Variants in TRAP1 observed in about 807,000 individuals in gnomAD.
The protein encoded by TRAP1 is heat shock protein 75 kDa, mitochondrial.
A neutral mutation model predicts 89.1 loss-of-function variants in TRAP1; 102 were observed. The ratio of observed to expected loss-of-function variants is 1.15; its 90% CI spans 0.98 to 1.35. TRAP1 has a LOEUF of 1.35. Ranked by LOEUF, TRAP1 falls within the 40% of genes most tolerant of loss-of-function variation. The pLI is 0.00. For missense variants in TRAP1, 1,256 were observed against 945.3 expected (o/e 1.33, Z -4.31); for synonymous variants, 508 against 388.0 (o/e 1.31, Z -3.64).
intron 1 of TRAP1, among the ~76,000 whole-genome samples, chr16:3,704,664 G>A (rs2051415241): frequency 6.6e-6 from 1 of 152,086 alleles, no homozygotes. Flanking sequence ...GCCAGCCTAG[G>A]TAACATAGGG....
chr16:3,665,842 T>G, intron 12 of TRAP1, 129 bp downstream of exon 12: 2 of 1,202,196 alleles, frequency 1.7e-6, no homozygotes. Context: ...CTGACCCTGG[T>G]GGCAGCAGCA....
intron 2 of TRAP1, 142 bp from the exon 3 acceptor site, chr16:3,689,279 C>CT: frequency 1.6e-6 from 1 of 630,276 alleles, no homozygotes; most frequent in East Asian, 3.4e-5. Context: ...GAGTCTCGCT[C>CT]TGTCACCCAG....
rs1040374288 is a variant in TRAP1 at position 3,672,630 on chromosome 16, C to T, written c.1165+70G>A. On this transcript the variant is annotated intron_variant, in intron 10 of 17. Transcript: ENST00000246957. ...AGGGCTGCTGAGAATGGAATCAGCA[C>T]GGTCCCTCACAGATGCAGCGGGCGA... is the stretch of plus-strand genomic sequence containing the variant. 1.7e-5 allele frequency: 26 copies of T among 1,519,546 alleles called. No homozygotes were observed. The African/African-American group carries it at 2.3e-4, about 14-fold the overall frequency. The allele number at this position is 1,519,546 out of a possible 1,614,324, so 94.1% of individuals were successfully genotyped here. A position where few individuals can be genotyped will look rare whatever the true frequency, so the allele number is the denominator to read the frequency against.
Position 3,662,901 on chromosome 16 carries a change from G to A in TRAP1, c.1775C>T (p.Ser592Leu), listed in dbSNP as rs565099748. ...CCTCACCTTCACGTTGGTGACACGC[G>A]ACCCCAGCACATTTCTCATCCAGGC... ...LMAWMRNVLG[S>L]RVTNVKVTLR... The change falls in exon 15 of 18, where the codon TCG becomes TTG. Residue 592 changes from serine (S) to leucine (L), a missense_variant. Coordinates refer to ENST00000246957, the MANE Select transcript of TRAP1 (RefSeq NM_016292.3). The A allele has an allele frequency of 5.4e-5, 87 of 1,613,436 alleles. 1 individual carries two copies. In the South Asian group the frequency reaches 6.1e-4, roughly 11 times the overall value.
rs1567216339 is a variant in TRAP1, at chr16:3,658,863, T to G, written c.1943A>C (p.His648Pro). Reference sequence around the variant, plus strand: ...CTGATTCAGCTTCTTGATGAGCGCGTGCCTGCAACACAGAACCCACCAGAA... The same window carrying G: ...CTGATTCAGCTTCTTGATGAGCGCGGGCCTGCAACACAGAACCCACCAGAA... Reference protein sequence around the residue: ...LQPTLEINPRHALIKKLNQLR... With the variant: ...LQPTLEINPRPALIKKLNQLR... The change falls in exon 17 of 18, where the codon CAC (histidine) becomes CCC (proline). Residue 648 changes from histidine (H) to proline (P), a missense_variant and splice_region_variant. Coordinates refer to ENST00000246957, the MANE Select transcript of TRAP1 (RefSeq NM_016292.3). The G allele has an allele frequency of 1.9e-6, 3 of 1,614,052 alleles. No homozygotes were observed. The South Asian group carries it at 3.3e-5, about 18-fold the overall frequency.
chr16:3,675,768 C>A (rs1210334455), intron 7 of TRAP1, among the ~76,000 whole-genome samples: 4 of 152,350 alleles, frequency 2.6e-5, no homozygotes, highest in South Asian at 4.1e-4. Flanking sequence ...CGCCAAACCC[C>A]CAGGTGCACT....
intron 2 of TRAP1, among the ~76,000 whole-genome samples, chr16:3,690,580 A>G (rs1056727164): frequency 6.6e-6 from 1 of 152,022 alleles, no homozygotes; most frequent in African/African-American, 2.4e-5. Context: ...ATGAATCACC[A>G]CTCAGGGGAG....
intron 9 of TRAP1, among the ~76,000 whole-genome samples, chr16:3,673,191 G>A (rs1222482344): frequency 1.3e-5 from 2 of 152,218 alleles, no homozygotes; most frequent in Non-Finnish European, 2.9e-5. Context: ...CCTAAGAGTG[G>A]TTTTTACACT....
intron 13 of TRAP1, 98 bp downstream of exon 13, chr16:3,664,176 C>G: frequency 1.5e-6 from 2 of 1,319,014 alleles, no homozygotes; most frequent in Non-Finnish European, 2.0e-6. Context: ...CAGCCCTGCC[C>G]GGAGTCTTGG....
chr16:3,690,234 G>A (rs1275266084), intron 2 of TRAP1, among the ~76,000 whole-genome samples: 1 of 152,056 alleles, frequency 6.6e-6, no homozygotes, highest in African/African-American at 2.4e-5. Context: ...TCGACCACTT[G>A]GCCTCAAGCA....
chr16:3,707,857 CAAA>C (rs60090855), intron 1 of TRAP1, among the ~76,000 whole-genome samples: 31 of 102,606 alleles, frequency 3.0e-4, no homozygotes, highest in Admixed American at 6.2e-4. Flanking sequence ...GACTCTAACT[CAAA>C]AAAAAAAAAA....
At chr16:3,670,205 AC>A (rs1196240900) in intron 11 of TRAP1, among the ~76,000 whole-genome samples, 1 of 151,146 alleles carries the variant, frequency 6.6e-6, no homozygotes, top group East Asian at 1.9e-4. Flanking sequence ...ACACGGTGAA[AC>A]CCTGTCTCTA....
At chr16:3,710,879 A>ATATATTTTTT (rs71133652) in intron 1 of TRAP1, among the ~76,000 whole-genome samples, 69 of 125,794 alleles carry the variant, frequency 5.5e-4, no homozygotes, top group East Asian at 4.3e-3. Context: ...ATATATATAT[A>ATATATTTTTT]TTTTTTTTTT....
rs763322867 is a variant in TRAP1 at position 3,662,879 on chromosome 16, C to T, written c.1794+3G>A. 5 of 1,613,560 alleles carry T rather than the reference C, an allele frequency of 3.1e-6. No homozygotes were observed. In the South Asian group the frequency reaches 4.4e-5, roughly 14 times the overall value. Reference sequence around the variant, plus strand: ...TGGTGGTCCATCCCCGGGAAAGCCTCACCTTCACGTTGGTGACACGCGACC... The same window carrying T: ...TGGTGGTCCATCCCCGGGAAAGCCTTACCTTCACGTTGGTGACACGCGACC... On this transcript the variant is annotated splice_donor_region_variant and intron_variant, in intron 15 of 17. Coordinates refer to ENST00000246957, the MANE Select transcript of TRAP1 (RefSeq NM_016292.3).
chr16:3,701,738 A>C (rs1220431127), intron 1 of TRAP1, among the ~76,000 whole-genome samples: 1 of 152,158 alleles, frequency 6.6e-6, no homozygotes, highest in Non-Finnish European at 1.5e-5. Context: ...GGGAATATGT[A>C]CATCTGCACT....
At chr16:3,692,653 C>A (rs2051231343) in intron 1 of TRAP1, among the ~76,000 whole-genome samples, 1 of 135,720 alleles carries the variant, frequency 7.4e-6, no homozygotes, top group East Asian at 2.3e-4. Context: ...GGCTGCAGTG[C>A]AATGGTGCAA....
At chr16:3,664,034 G>A in intron 13 of TRAP1, 1 of 468,424 alleles carries the variant, frequency 2.1e-6, no homozygotes, top group South Asian at 3.0e-5. Context: ...CTGCACTCTA[G>A]CCTGGGCGAG....
Position 3,676,153 on chromosome 16 carries a change from A to C in TRAP1, c.705-8T>G. 6.2e-7 allele frequency: 1 copy of C among 1,611,278 alleles called. No homozygotes were observed. The highest frequency in any genetic ancestry group is 2.2e-5 in the East Asian group (1 of 44,826). Reference sequence around the variant, plus strand: ...ATTTCAAACACTCCAGAACTAAGGCAGGCAAAGAAAGGAAAAGCCAGGTGG... The same window carrying C: ...ATTTCAAACACTCCAGAACTAAGGCCGGCAAAGAAAGGAAAAGCCAGGTGG... On this transcript the variant is annotated splice_region_variant and splice_polypyrimidine_tract_variant and intron_variant, in intron 6 of 17. Coordinates refer to ENST00000246957, the MANE Select transcript of TRAP1 (RefSeq NM_016292.3).
intron 1 of TRAP1, among the ~76,000 whole-genome samples, chr16:3,705,554 TA>T (rs1454753092): frequency 6.6e-6 from 1 of 152,224 alleles, no homozygotes; most frequent in African/African-American, 2.4e-5. Flanking sequence ...TTCTTTGACT[TA>T]GCATAAAGTC....
Sources: allele counts gnomAD v4.1 joint callset (sites outside exome capture counted in the v4.1 genomes callset), GRCh38; gene constraint gnomAD v4.1.1; transcripts MANE v1.5; gene names NCBI Gene and HGNC (gene_info 2026-07-23, HGNC 2026-07-21).